Variants in FAM163A observed in about 807,000 individuals in gnomAD.
FAM163A encodes protein FAM163A.
A neutral mutation model predicts 12.0 loss-of-function variants in FAM163A; 7 were observed. That is an observed-to-expected ratio of 0.58 (90% CI 0.33 to 1.10). The LOEUF (loss-of-function observed/expected upper bound fraction) is 1.10, where lower values mean the gene tolerates loss of function less well. FAM163A is among the 50% of genes least tolerant of loss of function. FAM163A has a pLI of 0.03. For missense variants in FAM163A, 202 were observed against 218.6 expected, an observed-to-expected ratio of 0.92 and a Z score of 0.48; for synonymous variants, 101 against 91.0, an observed-to-expected ratio of 1.11 and a Z score of -0.62.
chr1:179,791,921 C>CA (rs1394013872), intron 1 of FAM163A, among the ~76,000 whole-genome samples: 7 of 152,146 alleles, frequency 4.6e-5, no homozygotes, highest in Admixed American at 6.5e-5. Context: ...TCACTGCTAG[C>CA]AGCGGTCCTT....
At chr1:179,802,181 C>T (rs1403891012) in intron 1 of FAM163A, among the ~76,000 whole-genome samples, 2 of 152,228 alleles carry the variant, frequency 1.3e-5, no homozygotes, top group Non-Finnish European at 2.9e-5. Context: ...TATTCTCACT[C>T]TCACTTTCAT....
intron 1 of FAM163A, among the ~76,000 whole-genome samples, chr1:179,797,690 T>C (rs1346152795): frequency 1.3e-5 from 2 of 152,172 alleles, no homozygotes; most frequent in African/African-American, 4.8e-5. Context: ...ACATCATCTT[T>C]ATCTATATAT....
chr1:179,733,537 C>T, the FAM163A span, among the ~76,000 whole-genome samples: 3 of 152,112 alleles, frequency 2.0e-5, no homozygotes, highest in Non-Finnish European at 2.9e-5. Context: ...AGGTAGCATG[C>T]TCTGTTCCTT....
intron 1 of FAM163A, among the ~76,000 whole-genome samples, chr1:179,770,355 T>G (rs1051469478): frequency 1.3e-5 from 2 of 152,128 alleles, no homozygotes; most frequent in Non-Finnish European, 1.5e-5. Context: ...TTGCAATACT[T>G]CCTAATTGGC....
At chr1:179,742,628 G>A (rs1683786612), upstream of FAM163A, 1 of 152,236 alleles carries the variant, frequency 6.6e-6, no homozygotes, top group African/African-American at 2.4e-5. Context: ...GAACTTATTG[G>A]CTGGGCTACA....
At chr1:179,775,929 G>A (rs565355051) in intron 1 of FAM163A, among the ~76,000 whole-genome samples, 5 of 152,238 alleles carry the variant, frequency 3.3e-5, no homozygotes, top group South Asian at 4.2e-4. Context: ...GGTCCTTGGC[G>A]GAAAAGATTT....
At chr1:179,761,067 C>T (rs1332672563) in intron 1 of FAM163A, among the ~76,000 whole-genome samples, 3 of 151,860 alleles carry the variant, frequency 2.0e-5, no homozygotes, top group African/African-American at 7.3e-5. Flanking sequence ...TTTAGCAAAC[C>T]AGTAGCCATT....
intron 1 of FAM163A, among the ~76,000 whole-genome samples, chr1:179,744,986 T>C (rs1684260782): frequency 6.6e-6 from 1 of 152,224 alleles, no homozygotes; most frequent in South Asian, 2.1e-4. Flanking sequence ...AATGAAATAC[T>C]TGCATGTAAC....
intron 3 of FAM163A, 45 bp from the exon 4 acceptor site, chr1:179,813,031 G>A: frequency 6.5e-7 from 1 of 1,530,236 alleles, no homozygotes; most frequent in Non-Finnish European, 8.9e-7. Context: ...CCCAGCCCAG[G>A]GCTGCAGCCA....
At chr1:179,799,770 G>A (rs1204094368) in intron 1 of FAM163A, among the ~76,000 whole-genome samples, 1 of 152,230 alleles carries the variant, frequency 6.6e-6, no homozygotes, top group African/African-American at 2.4e-5. Flanking sequence ...AGAGCAGACA[G>A]ACCTGTGATC....
Position 179,806,452 on chromosome 1 carries a change from C to T in FAM163A, c.-135-1346C>T, listed in dbSNP as rs187987346. ...GAGGTGATACGGGGACAGGGCTGTT[C>T]TGTCACGCAGTCACTCTGCCTCCTT... On this transcript the variant is annotated intron_variant, in intron 1 of 4. Transcript: ENST00000341785. 1.5e-3 allele frequency among the ~76,000 whole-genome samples: 223 copies of T among 152,252 alleles called. 3 individuals are homozygous for T. Among genetic ancestry groups the T allele is most frequent in the Admixed American group, 4.4e-3 (67 of 15,306 alleles).
intron 1 of FAM163A, among the ~76,000 whole-genome samples, chr1:179,760,531 G>C (rs756351637): frequency 2.6e-5 from 4 of 152,264 alleles, no homozygotes; most frequent in Non-Finnish European, 5.9e-5. Context: ...GGGGAGAATG[G>C]GCATGCCAGG....
At chr1:179,782,814 A>C (rs1023805134) in intron 1 of FAM163A, among the ~76,000 whole-genome samples, 1 of 152,224 alleles carries the variant, frequency 6.6e-6, no homozygotes, top group Non-Finnish European at 1.5e-5. Flanking sequence ...CAACTCTTAG[A>C]GGCAATGTCA....
rs754094660 is a variant in FAM163A, at chr1:179,813,759, C to T, written c.94-20C>T. On this transcript the variant is annotated intron_variant, in intron 4 of 4. Coordinates refer to ENST00000341785, the MANE Select transcript of FAM163A (RefSeq NM_173509.3). ...GGGGAGCATTCACCCTCTCAGGCAT[C>T]CCTCTGCCCTTCCGCACAGTATTAC... The T allele has an allele frequency of 9.9e-6, 16 of 1,613,332 alleles. No individual in the cohort carries two copies. The African/African-American group carries it at 1.9e-4, about 19-fold the overall frequency.
At chr1:179,785,247 A>G (rs954714374) in intron 1 of FAM163A, among the ~76,000 whole-genome samples, 6 of 152,322 alleles carry the variant, frequency 3.9e-5, no homozygotes, top group Non-Finnish European at 7.3e-5. Context: ...GCTTGTTTCC[A>G]GAAAACCAAT....
rs536816165 is a variant in FAM163A at position 179,750,334 on chromosome 1, T to A, written c.-136+6911T>A. Among the ~76,000 whole-genome samples, 4 of 152,316 alleles carry A rather than the reference T, an allele frequency of 2.6e-5. No homozygotes were observed. In the East Asian group the frequency reaches 7.7e-4, roughly 29 times the overall value. On this transcript the variant is annotated intron_variant, in intron 1 of 4. Transcript: ENST00000341785. ...TCACAAAACAAATATAAAGTAACACTGTGATAAAAGCTATAAAGTGGAGGT... is the reference window on the plus strand; with the variant it reads ...TCACAAAACAAATATAAAGTAACACAGTGATAAAAGCTATAAAGTGGAGGT...
intron 1 of FAM163A, among the ~76,000 whole-genome samples, chr1:179,802,340 G>A (rs1258056311): frequency 2.0e-5 from 3 of 152,042 alleles, no homozygotes; most frequent in African/African-American, 4.8e-5. Flanking sequence ...GTTTTGTTTC[G>A]CTGTTTCTCT....
chr1:179,732,545 A>C, the FAM163A span, among the ~76,000 whole-genome samples: 1 of 152,102 alleles, frequency 6.6e-6, no homozygotes, highest in Non-Finnish European at 1.5e-5. Context: ...CCAAGATAAG[A>C]GACTGACCAC....
chr1:179,789,058 C>G (rs2148233051), intron 1 of FAM163A, among the ~76,000 whole-genome samples: 1 of 152,358 alleles, frequency 6.6e-6, no homozygotes, highest in South Asian at 2.1e-4. Context: ...CCACCAGACT[C>G]TCTTCTATGA....
Sources: gnomAD v4.1 joint callset for allele counts (sites outside exome capture counted in the v4.1 genomes callset) on GRCh38, gnomAD v4.1.1 for gene constraint, MANE v1.5 for transcripts, NCBI Gene and HGNC (gene_info 2026-07-23, HGNC 2026-07-21) for gene names.